Variants in OPRM1 observed in about 807,000 individuals in gnomAD.
OPRM1 encodes the protein mu-type opioid receptor.
A neutral mutation model predicts 31.8 loss-of-function variants in OPRM1; 27 were observed. That is an observed-to-expected ratio of 0.85 (90% CI 0.63 to 1.17). The LOEUF (loss-of-function observed/expected upper bound fraction) is 1.17, where lower values mean the gene tolerates loss of function less well. OPRM1 is among the 50% of genes most tolerant of loss of function. The pLI is 0.00. For missense variants in OPRM1, 536 were observed against 511.1 expected (o/e 1.05, Z -0.47); for synonymous variants, 196 against 189.9 (o/e 1.03, Z -0.26).
intron 1 of OPRM1, among the ~76,000 whole-genome samples, chr6:154,020,980 C>T (rs1002109461): frequency 2.0e-5 from 3 of 152,162 alleles, no homozygotes; most frequent in Non-Finnish European, 4.4e-5. Flanking sequence ...TACAGCTTAT[C>T]AATTATTTCC....
At chr6:154,017,392 T>A (rs1037759380) in intron 1 of OPRM1, among the ~76,000 whole-genome samples, 1 of 152,188 alleles carries the variant, frequency 6.6e-6, no homozygotes, top group Non-Finnish European at 1.5e-5. Flanking sequence ...CAGGTATTTA[T>A]GATGGACAGC....
chr6:154,071,139 T>C (rs979522744), intron 1 of OPRM1, among the ~76,000 whole-genome samples: 5 of 152,174 alleles, frequency 3.3e-5, no homozygotes, highest in Non-Finnish European at 2.9e-5. Context: ...AGGTATGGAA[T>C]GCATAATATG....
intron 3 of OPRM1, among the ~76,000 whole-genome samples, chr6:154,101,433 T>G (rs1794817851): frequency 1.3e-5 from 2 of 152,240 alleles, no homozygotes; most frequent in Non-Finnish European, 2.9e-5. Flanking sequence ...CATAGAATTT[T>G]TAAATGCTTC....
chr6:154,023,187 G>A (rs1216909660), intron 1 of OPRM1, among the ~76,000 whole-genome samples: 22 of 152,008 alleles, frequency 1.4e-4, no homozygotes, highest in Admixed American at 1.2e-3. Context: ...CATGAAAATG[G>A]AATATTTTTC....
intron 3 of OPRM1, among the ~76,000 whole-genome samples, chr6:154,176,820 A>G (rs1297036474): frequency 1.3e-5 from 2 of 151,382 alleles, no homozygotes; most frequent in Middle Eastern, 3.4e-3. Context: ...TTTAAATTTC[A>G]TATGAAACCA....
At chr6:154,220,487 A>G (rs790264) in intron 3 of OPRM1, among the ~76,000 whole-genome samples, 79,838 of 151,918 alleles carry the variant, frequency 0.53, 21,879 homozygotes, top group African/African-American at 0.66. Context: ...TGAAACCCAC[A>G]AGAAACACAA....
intron 3 of OPRM1, among the ~76,000 whole-genome samples, chr6:154,245,272 C>G (rs1241745831): frequency 1.0e-4 from 15 of 145,506 alleles, no homozygotes; most frequent in Admixed American, 1.0e-3. Context: ...GTTGTTATAA[C>G]TCACCAAATG....
At chr6:154,069,427 C>T (rs2128450318) in intron 1 of OPRM1, among the ~76,000 whole-genome samples, 1 of 152,120 alleles carries the variant, frequency 6.6e-6, no homozygotes, top group Non-Finnish European at 1.5e-5. Context: ...TTAGTAGAGA[C>T]AGGGTTTCAC....
At chr6:154,244,185 T>C (rs1034074017) in intron 3 of OPRM1, among the ~76,000 whole-genome samples, 1 of 152,170 alleles carries the variant, frequency 6.6e-6, no homozygotes, top group Non-Finnish European at 1.5e-5. Context: ...TGGGTCTTAT[T>C]TCACAGTTGG....
At chr6:154,080,204 C>T (rs976986871) in intron 1 of OPRM1, among the ~76,000 whole-genome samples, 8 of 152,108 alleles carry the variant, frequency 5.3e-5, no homozygotes. Flanking sequence ...AAGTTTGTAT[C>T]ACATAAGTGA....
chr6:154,237,057 C>A (rs1282966187), intron 3 of OPRM1, among the ~76,000 whole-genome samples: 1 of 152,178 alleles, frequency 6.6e-6, no homozygotes, highest in Non-Finnish European at 1.5e-5. Context: ...TTAAACACAG[C>A]AGCACAGTGA....
intron 3 of OPRM1, among the ~76,000 whole-genome samples, chr6:154,204,050 C>T (rs147241437): frequency 1.3e-5 from 2 of 152,196 alleles, no homozygotes; most frequent in East Asian, 3.9e-4. Context: ...TTTCAGAACA[C>T]TTAGGTATTA....
intron 1 of OPRM1, among the ~76,000 whole-genome samples, chr6:154,044,210 A>G (rs1780649120): frequency 6.6e-6 from 1 of 152,148 alleles, no homozygotes; most frequent in Non-Finnish European, 1.5e-5. Context: ...TACCACTATC[A>G]TAAATTTAGT....
At chr6:154,185,706 T>A (rs1306471010) in intron 3 of OPRM1, among the ~76,000 whole-genome samples, 2 of 152,148 alleles carry the variant, frequency 1.3e-5, no homozygotes, top group African/African-American at 4.8e-5. Context: ...CTCGGCCACA[T>A]TAGAAGAAGA....
chr6:154,188,228 AAG>A (rs1175385647), intron 3 of OPRM1, among the ~76,000 whole-genome samples: 1 of 152,262 alleles, frequency 6.6e-6, no homozygotes, highest in Non-Finnish European at 1.5e-5. Flanking sequence ...TAAAATGAAA[AAG>A]AGAAAAATCG....
chr6:154,083,907 G>A (rs545815193), intron 1 of OPRM1, among the ~76,000 whole-genome samples: 1 of 128,684 alleles, frequency 7.8e-6, no homozygotes, highest in Non-Finnish European at 1.5e-5. Flanking sequence ...TCGCGCCACT[G>A]CACTCCAGCC....
chr6:154,215,696 C>T (rs1448609331), intron 3 of OPRM1, among the ~76,000 whole-genome samples: 1 of 152,112 alleles, frequency 6.6e-6, no homozygotes, highest in Non-Finnish European at 1.5e-5. Context: ...GTTAAGAAAT[C>T]ACCTTCAGCA....
At chr6:154,213,989 A>G (rs1232801525) in intron 3 of OPRM1, among the ~76,000 whole-genome samples, 1 of 152,184 alleles carries the variant, frequency 6.6e-6, no homozygotes, top group Non-Finnish European at 1.5e-5. Flanking sequence ...CAGCTGCCGG[A>G]GTGTGGGTGA....
chr6:154,149,350 G>A (rs1446452445), intron 3 of OPRM1, among the ~76,000 whole-genome samples: 1 of 152,172 alleles, frequency 6.6e-6, no homozygotes, highest in South Asian at 2.1e-4. Context: ...CAGCATGGGG[G>A]TAACTGTCCC....
Sources: allele counts gnomAD v4.1 joint callset (sites outside exome capture counted in the v4.1 genomes callset), GRCh38; gene constraint gnomAD v4.1.1; transcripts MANE v1.5; gene names NCBI Gene and HGNC (gene_info 2026-07-23, HGNC 2026-07-21).